The following PTPRT variants were observed in gnomAD, a reference collection of about 807,000 sequenced individuals.
The protein encoded by PTPRT is receptor-type tyrosine-protein phosphatase T.
In PTPRT, 56 loss-of-function variants were observed where a neutral mutation model predicts 176.8. The observed-to-expected ratio is 0.32, with a 90% CI of 0.26 to 0.40. The LOEUF (loss-of-function observed/expected upper bound fraction) is 0.40, where lower values mean the gene tolerates loss of function less well. PTPRT is among the 10% of genes least tolerant of loss of function. The pLI is 1.00. For missense variants in PTPRT, 1,540 were observed against 1,908.2 expected, an observed-to-expected ratio of 0.81 and a Z score of 3.60; for synonymous variants, 783 against 739.0, an observed-to-expected ratio of 1.06 and a Z score of -0.96.
chr20:42,761,440 A>T (rs1029849790), intron 5 of PTPRT, among the ~76,000 whole-genome samples: 2 of 151,636 alleles, frequency 1.3e-5, no homozygotes, highest in African/African-American at 4.9e-5. Flanking sequence ...ATCTCAAAAA[A>T]AAAAAAATAA....
intron 8 of PTPRT, among the ~76,000 whole-genome samples, chr20:42,450,709 C>T (rs1449910621): frequency 6.6e-6 from 1 of 152,114 alleles, no homozygotes; most frequent in Admixed American, 6.6e-5. Context: ...TTCCCTTATC[C>T]ACCCTTCCTT....
intron 16 of PTPRT, among the ~76,000 whole-genome samples, chr20:42,183,991 T>C (rs6130071): frequency 0.32 from 47,980 of 152,006 alleles, 8,454 homozygotes; most frequent in East Asian, 0.38. Context: ...CTACCCTAGA[T>C]GTTACAGTCA....
chr20:42,334,558 G>C (rs1416379345), intron 11 of PTPRT, among the ~76,000 whole-genome samples: 1 of 152,164 alleles, frequency 6.6e-6, no homozygotes, highest in East Asian at 1.9e-4. Context: ...ATTATAACAA[G>C]CCATTTCAGT....
chr20:42,993,953 T>C (rs758988757), intron 1 of PTPRT, among the ~76,000 whole-genome samples: 4 of 152,112 alleles, frequency 2.6e-5, no homozygotes, highest in Non-Finnish European at 4.4e-5. Context: ...CCAAAACACA[T>C]TGTCAGCTCT....
chr20:42,734,621 A>G (rs903713954), intron 6 of PTPRT, among the ~76,000 whole-genome samples: 2 of 152,224 alleles, frequency 1.3e-5, no homozygotes, highest in Non-Finnish European at 2.9e-5. Context: ...TACCTAGATC[A>G]TCTCTTTAAA....
At chr20:42,723,711 G>A (rs767476597) in intron 6 of PTPRT, among the ~76,000 whole-genome samples, 5 of 152,290 alleles carry the variant, frequency 3.3e-5, no homozygotes, top group Admixed American at 2.0e-4. Context: ...AAGATGCCAC[G>A]TGCTTTTGAG....
At chr20:43,150,921 A>G (rs2014329253) in intron 1 of PTPRT, among the ~76,000 whole-genome samples, 1 of 152,222 alleles carries the variant, frequency 6.6e-6, no homozygotes, top group Admixed American at 6.5e-5. Flanking sequence ...AGAAGAGAAT[A>G]AATGGATCAC....
chr20:42,605,466 C>T (rs1279809943), intron 7 of PTPRT, among the ~76,000 whole-genome samples: 2 of 152,296 alleles, frequency 1.3e-5, no homozygotes, highest in Admixed American at 6.5e-5. Context: ...TAGACGTCTC[C>T]GCAGAAAGGT....
intron 1 of PTPRT, among the ~76,000 whole-genome samples, chr20:43,058,040 A>G (rs900856273): frequency 6.6e-6 from 1 of 152,174 alleles, no homozygotes; most frequent in African/African-American, 2.4e-5. Context: ...CGCTTTACAG[A>G]GGCAGTGGTG....
chr20:43,014,960 C>A (rs1443828894), intron 1 of PTPRT, among the ~76,000 whole-genome samples: 1 of 152,218 alleles, frequency 6.6e-6, no homozygotes, highest in African/African-American at 2.4e-5. Context: ...CTACCTAAGA[C>A]TTTAATGACA....
rs1297504240 is a variant in PTPRT, at chr20:42,310,143, C to G, written c.2139+5580G>C. Among the ~76,000 whole-genome samples the G allele has an allele frequency of 2.6e-5, 4 of 152,066 alleles. No homozygotes were observed. In the East Asian group the frequency reaches 7.7e-4, roughly 29 times the overall value. ...TGTTGGAATGTTTGAGAAATAATGT[C>G]TTAGGAAAGGTTCAAGACACGAGGC... On this transcript the variant is annotated intron_variant, in intron 12 of 30. Transcript: ENST00000373187.
intron 9 of PTPRT, among the ~76,000 whole-genome samples, chr20:42,353,930 C>T (rs2058322920): frequency 6.6e-6 from 1 of 152,046 alleles, no homozygotes; most frequent in East Asian, 1.9e-4. Context: ...TGGTACACAT[C>T]TGTAGTCCCA....
At chr20:42,834,194 T>C (rs73271738) in intron 2 of PTPRT, among the ~76,000 whole-genome samples, 3,504 of 152,190 alleles carry the variant, frequency 0.023, 126 homozygotes, top group African/African-American at 0.079. Context: ...GGCAAAAAAT[T>C]TGAGCAAACA....
chr20:42,085,999 G>A, intron 27 of PTPRT, 146 bp from the exon 28 acceptor site: 1 of 1,062,138 alleles, frequency 9.4e-7, no homozygotes, highest in Non-Finnish European at 1.3e-6. Flanking sequence ...CCAGCCTGGA[G>A]TGCATTGGCA....
At chr20:42,942,716 T>TTG (rs1462520967) in intron 1 of PTPRT, among the ~76,000 whole-genome samples, 1 of 152,202 alleles carries the variant, frequency 6.6e-6, no homozygotes, top group Non-Finnish European at 1.5e-5. Context: ...CTAAATGACC[T>TTG]TTAGCAAGCG....
chr20:42,631,156 T>G (rs1271680928), intron 7 of PTPRT, among the ~76,000 whole-genome samples: 1 of 152,134 alleles, frequency 6.6e-6, no homozygotes, highest in Non-Finnish European at 1.5e-5. Flanking sequence ...AAAACTCCAA[T>G]TGTCTTATAC....
chr20:42,327,080 GGT>G (rs139401290), intron 11 of PTPRT, among the ~76,000 whole-genome samples: 55,469 of 145,950 alleles, frequency 0.38, 10,322 homozygotes, highest in African/African-American at 0.45. Flanking sequence ...ACTAGGTAGG[GGT>G]GTGTGTGTGT....
intron 15 of PTPRT, among the ~76,000 whole-genome samples, chr20:42,217,554 T>G (rs1335047533): frequency 6.6e-6 from 1 of 152,170 alleles, no homozygotes; most frequent in Non-Finnish European, 1.5e-5. Context: ...AAAATATACA[T>G]GTATCATGTA....
chr20:42,483,411 G>A (rs1257113148), intron 7 of PTPRT, among the ~76,000 whole-genome samples: 3 of 152,266 alleles, frequency 2.0e-5, no homozygotes, highest in South Asian at 4.1e-4. Flanking sequence ...TGATCCACCC[G>A]CCTTGGCCTC....
Sources: gnomAD v4.1 joint callset for allele counts (sites outside exome capture counted in the v4.1 genomes callset) on GRCh38, gnomAD v4.1.1 for gene constraint, MANE v1.5 for transcripts, NCBI Gene and HGNC (gene_info 2026-07-23, HGNC 2026-07-21) for gene names.